Variants in TMEM135 observed in about 807,000 individuals in gnomAD.
TMEM135 encodes the protein transmembrane protein 135, also known as peroxisomal membrane protein 52.
Under a neutral mutation model 60.3 loss-of-function variants are expected in TMEM135, and 30 were observed. The observed-to-expected ratio is 0.50, with a 90% CI of 0.37 to 0.68. TMEM135 has a LOEUF of 0.68. Among genes scored for constraint, TMEM135 ranks in the 30% least tolerant of loss-of-function variants. TMEM135 has a pLI of 0.00. For synonymous variants in TMEM135, 190 were observed against 186.7 expected, an observed-to-expected ratio of 1.02 and a Z score of -0.14; for missense variants, 468 against 548.8, an observed-to-expected ratio of 0.85 and a Z score of 1.47.
chr11:87,210,839 T>G (rs1468138022), intron 5 of TMEM135, among the ~76,000 whole-genome samples: 1 of 152,178 alleles, frequency 6.6e-6, no homozygotes, highest in East Asian at 1.9e-4. Flanking sequence ...CAAGGCTGAT[T>G]TAACATGCAA....
chr11:87,220,562 G>T (rs1323537286), intron 5 of TMEM135, among the ~76,000 whole-genome samples: 1 of 152,180 alleles, frequency 6.6e-6, no homozygotes, highest in African/African-American at 2.4e-5. Flanking sequence ...GTTCTACTCT[G>T]CTAAGATACT....
chr11:87,295,053 C>A (rs1893004), intron 6 of TMEM135, among the ~76,000 whole-genome samples: 5 of 151,860 alleles, frequency 3.3e-5, no homozygotes, highest in Admixed American at 1.3e-4. Flanking sequence ...CTTTTGTGAC[C>A]TAGGTTACTG....
At chr11:87,079,910 C>T (rs1390812992) in intron 3 of TMEM135, among the ~76,000 whole-genome samples, 3 of 143,316 alleles carry the variant, frequency 2.1e-5, no homozygotes, top group South Asian at 2.2e-4. Context: ...GGCGTGATCT[C>T]GGCTCACTGC....
rs1382675706 is a variant in TMEM135 at position 87,109,276 on chromosome 11, A to G, written c.396+17881A>G. On this transcript the variant is annotated intron_variant, in intron 4 of 14. Transcript: ENST00000305494. ...CAGTAGATGCCTGAAACCTAGACAC[A>G]TGATGTTTTTCCTATATATGCATGA... 4.6e-5 allele frequency among the ~76,000 whole-genome samples: 7 copies of G among 152,348 alleles called. No homozygotes were observed. In the East Asian group the frequency reaches 1.2e-3, roughly 25 times the overall value.
intron 6 of TMEM135, among the ~76,000 whole-genome samples, chr11:87,285,846 G>C (rs1469608816): frequency 6.6e-6 from 1 of 152,128 alleles, no homozygotes; most frequent in East Asian, 1.9e-4. Flanking sequence ...CCATTTTATA[G>C]AGAGCTGATT....
At position 87,328,028 on chromosome 11, in the gene TMEM135, C is replaced by A. The variant is rs1297873069; in HGVS notation, c.*6695C>A. ...TGGAAACACCCTCACAGACACACCC[C>A]AAAATAATGCCTTACCAGTTCTCTA... On this transcript the variant is annotated 3_prime_UTR_variant, in exon 15 of 15. Coordinates refer to ENST00000305494, the MANE Select transcript of TMEM135 (RefSeq NM_022918.4). The A allele has an allele frequency of 4.4e-6, 2 of 454,050 alleles. No homozygotes were observed. Among genetic ancestry groups the A allele is most frequent in the African/African-American group, 2.0e-5 (1 of 50,106 alleles). The allele number at this position is 454,050 out of a possible 1,614,324, so 28.1% of individuals were successfully genotyped here.
intron 4 of TMEM135, among the ~76,000 whole-genome samples, chr11:87,110,096 G>A (rs1036267888): frequency 4.6e-5 from 7 of 152,258 alleles, no homozygotes; most frequent in African/African-American, 1.7e-4. Context: ...AATCATTTAT[G>A]ACCTGAGTGG....
chr11:87,119,853 C>T (rs573625671), intron 4 of TMEM135, among the ~76,000 whole-genome samples: 190 of 151,826 alleles, frequency 1.3e-3, no homozygotes, highest in Non-Finnish European at 2.2e-3. Context: ...TAGACTTGCT[C>T]CATGCAGCGT....
At chr11:87,209,131 C>T (rs1340162414) in intron 5 of TMEM135, among the ~76,000 whole-genome samples, 1 of 152,166 alleles carries the variant, frequency 6.6e-6, no homozygotes, top group African/African-American at 2.4e-5. Flanking sequence ...CACTATAAAG[C>T]AACTATATAA....
intron 5 of TMEM135, among the ~76,000 whole-genome samples, chr11:87,235,664 G>C (rs1432195097): frequency 1.3e-5 from 2 of 151,918 alleles, no homozygotes; most frequent in Non-Finnish European, 2.9e-5. Context: ...GGCCATTGAC[G>C]ATTCTTAGGC....
chr11:87,040,396 C>T (rs144187286), intron 1 of TMEM135, among the ~76,000 whole-genome samples: 5 of 152,266 alleles, frequency 3.3e-5, no homozygotes, highest in East Asian at 1.9e-4. Flanking sequence ...CAGTGGCTCA[C>T]GCCCATAATC....
chr11:87,144,613 G>C (rs1246367879), intron 4 of TMEM135, among the ~76,000 whole-genome samples: 1 of 152,038 alleles, frequency 6.6e-6, no homozygotes, highest in Non-Finnish European at 1.5e-5. Flanking sequence ...CATTTGTAAT[G>C]AAGAAAGTAT....
intron 3 of TMEM135, among the ~76,000 whole-genome samples, chr11:87,082,325 G>A (rs941011978): frequency 1.3e-5 from 2 of 152,096 alleles, no homozygotes; most frequent in African/African-American, 4.8e-5. Context: ...GACTTACCAC[G>A]AATTTATGTA....
At chr11:87,046,521 A>T (rs917505187) in intron 1 of TMEM135, among the ~76,000 whole-genome samples, 1 of 152,240 alleles carries the variant, frequency 6.6e-6, no homozygotes, top group Admixed American at 6.5e-5. Flanking sequence ...GTGCTGTGGA[A>T]AAAATATTTT....
intron 4 of TMEM135, among the ~76,000 whole-genome samples, chr11:87,140,070 C>CT (rs57255672): frequency 2.7e-5 from 4 of 150,674 alleles, no homozygotes; most frequent in Admixed American, 6.6e-5. Flanking sequence ...TTCTTTCTTT[C>CT]TTTTTTTTTG....
At position 87,122,309 on chromosome 11, in the gene TMEM135, G is replaced by GTT. The variant is rs11367827; in HGVS notation, c.396+30932_396+30933dup. On this transcript the variant is annotated intron_variant, in intron 4 of 14. Coordinates refer to ENST00000305494, the MANE Select transcript of TMEM135 (RefSeq NM_022918.4). Reference sequence around the variant, plus strand: ...GACTGGCAGGTTTATGTTTTGCTAGGTTTTTTTTTTTTTTTTTTTGTCAAA... The same window carrying GTT: ...GACTGGCAGGTTTATGTTTTGCTAGGTTTTTTTTTTTTTTTTTTTTTGTCAAA... Among the ~76,000 whole-genome samples, 312 of 110,344 alleles carry GTT rather than the reference G, an allele frequency of 2.8e-3. 8 individuals are homozygous for GTT. The highest frequency in any genetic ancestry group is 8.9e-3 in the African/African-American group (270 of 30,208). The allele number at this position is 110,344 out of a possible 152,430, so 72.4% of individuals were successfully genotyped here. A position where few individuals can be genotyped will look rare whatever the true frequency, so the allele number is the denominator to read the frequency against.
At chr11:87,171,257 T>C (rs1939228418) in intron 5 of TMEM135, among the ~76,000 whole-genome samples, 1 of 152,116 alleles carries the variant, frequency 6.6e-6, no homozygotes. Flanking sequence ...AGCTCATTCA[T>C]ACATCAAAAC....
chr11:87,315,157 CCTCCTCCTCCTCTTCCTT>C (rs1942706579), intron 12 of TMEM135, among the ~76,000 whole-genome samples: 1 of 151,680 alleles, frequency 6.6e-6, no homozygotes, highest in Admixed American at 6.6e-5. Flanking sequence ...TCCTCCTCCT[CCTCCTCCTCCTCTTCCTT>C]CTCCTCCTCC....
chr11:87,216,473 G>A (rs1940503399), intron 5 of TMEM135, among the ~76,000 whole-genome samples: 1 of 152,040 alleles, frequency 6.6e-6, no homozygotes, highest in South Asian at 2.1e-4. Context: ...TATTCCCAGA[G>A]TTTTGCAGAG....
Sources: gnomAD v4.1 joint callset for allele counts (sites outside exome capture counted in the v4.1 genomes callset) on GRCh38, gnomAD v4.1.1 for gene constraint, MANE v1.5 for transcripts, NCBI Gene and HGNC (gene_info 2026-07-23, HGNC 2026-07-21) for gene names.